HS3ST5: variants seen among roughly 807,000 people sequenced by gnomAD.
HS3ST5 encodes the protein heparan sulfate-glucosamine 3-sulfotransferase 5, also known as heparan sulfate glucosamine 3-O-sulfotransferase 5.
HS3ST5 carries 10 observed loss-of-function variants against 25.4 expected under a neutral mutation model. The observed-to-expected ratio is 0.39, with a 90% CI of 0.24 to 0.67. The LOEUF (loss-of-function observed/expected upper bound fraction) is 0.67. Among genes scored for constraint, HS3ST5 ranks in the 30% least tolerant of loss-of-function variants. HS3ST5 has a pLI of 0.44. For missense variants in HS3ST5, 324 were observed against 420.7 expected, an observed-to-expected ratio of 0.77 and a Z score of 2.01; for synonymous variants, 170 against 162.4, an observed-to-expected ratio of 1.05 and a Z score of -0.36.
chr6:114,219,668 T>TA (rs1230708687), intron 2 of HS3ST5, among the ~76,000 whole-genome samples: 3 of 152,128 alleles, frequency 2.0e-5, no homozygotes, highest in Admixed American at 6.5e-5. Flanking sequence ...TTGAAAATAA[T>TA]AAACAATTAG....
intron 1 of HS3ST5, among the ~76,000 whole-genome samples, chr6:114,311,539 C>CTTTTTTTTTTTT (rs11463610): frequency 2.4e-5 from 2 of 84,878 alleles, no homozygotes; most frequent in Non-Finnish European, 4.2e-5. Context: ...TTCTCTCTCT[C>CTTTTTTTTTTTT]TTTTTTTTTT....
At position 114,057,519 on chromosome 6, in the gene HS3ST5, G is replaced by T; in HGVS notation, c.779C>A (p.Thr260Lys). Residue 260 changes from threonine (T) to lysine (K), a missense_variant, in exon 5 of 5, where the codon ACG becomes AAG. By Grantham distance (78) the Thr-to-Lys change is moderately conservative. This residue lies in a region of HS3ST5 where 203 missense variants were observed against 303.4 expected (regional missense o/e 0.67). Transcript: ENST00000312719. ...GAGCTGAAGTTCTGGCAGAGGTTCC[G>T]TGATGAGGCGATCTCCATCGACGAC... ...FHVVDGDRLI[T>K]EPLPELQLVE... The T allele has an allele frequency of 3.7e-6, 6 of 1,614,190 alleles. No homozygotes were observed. Among genetic ancestry groups the T allele is most frequent in the Non-Finnish European group, 4.2e-6 (5 of 1,180,036 alleles).
chr6:114,164,046 C>G (rs1254696882), intron 3 of HS3ST5, among the ~76,000 whole-genome samples: 1 of 152,086 alleles, frequency 6.6e-6, no homozygotes, highest in East Asian at 1.9e-4. Context: ...TTATTAAGAG[C>G]AGATATTATT....
chr6:114,153,799 T>C (rs1778570401), intron 3 of HS3ST5, among the ~76,000 whole-genome samples: 1 of 152,214 alleles, frequency 6.6e-6, no homozygotes, highest in Non-Finnish European at 1.5e-5. Flanking sequence ...TAATAACTAC[T>C]ATCTTAGTAC....
At chr6:114,245,362 A>C (rs771592446) in intron 1 of HS3ST5, among the ~76,000 whole-genome samples, 3 of 152,174 alleles carry the variant, frequency 2.0e-5, no homozygotes, top group Non-Finnish European at 4.4e-5. Flanking sequence ...TGAGACAGAA[A>C]CAGGTTAGAA....
At chr6:114,082,664 T>C (rs567330793) in intron 3 of HS3ST5, among the ~76,000 whole-genome samples, 1 of 152,352 alleles carries the variant, frequency 6.6e-6, no homozygotes, top group African/African-American at 2.4e-5. Context: ...AGCTATGAGT[T>C]CTAAATTTCT....
intron 3 of HS3ST5, among the ~76,000 whole-genome samples, chr6:114,085,934 G>GCCCCC (rs377436068): frequency 1.0e-5 from 1 of 98,890 alleles, no homozygotes; most frequent in African/African-American, 3.9e-5. Context: ...TAAATTCATT[G>GCCCCC]CCCCCCCCCC....
chr6:114,161,299 C>G (rs1244557117), intron 3 of HS3ST5, among the ~76,000 whole-genome samples: 3 of 151,234 alleles, frequency 2.0e-5, no homozygotes, highest in Non-Finnish European at 2.9e-5. Context: ...AAATTACCAT[C>G]AAACTTTGAC....
At chr6:114,101,632 G>A (rs932270852) in intron 3 of HS3ST5, among the ~76,000 whole-genome samples, 1 of 152,180 alleles carries the variant, frequency 6.6e-6, no homozygotes, top group African/African-American at 2.4e-5. Flanking sequence ...ATTGTGGAAA[G>A]TAGTTTGGCA....
At chr6:114,082,540 C>T (rs112917287) in intron 3 of HS3ST5, among the ~76,000 whole-genome samples, 28 of 152,200 alleles carry the variant, frequency 1.8e-4, no homozygotes, top group African/African-American at 6.0e-4. Flanking sequence ...GAATAAAGTT[C>T]GCATTTATTG....
chr6:114,339,043 A>C (rs1330081064), intron 1 of HS3ST5, among the ~76,000 whole-genome samples: 1 of 152,122 alleles, frequency 6.6e-6, no homozygotes, highest in African/African-American at 2.4e-5. Context: ...ACTTAAAATA[A>C]ACTATTATTC....
intron 3 of HS3ST5, among the ~76,000 whole-genome samples, chr6:114,066,631 TCAAAAA>T (rs1223692013): frequency 6.6e-6 from 1 of 151,988 alleles, no homozygotes; most frequent in East Asian, 1.9e-4. Context: ...AGGCTCCGTC[TCAAAAA>T]CAAAAACAAA....
At chr6:114,296,305 A>G (rs1375500272) in intron 1 of HS3ST5, among the ~76,000 whole-genome samples, 1 of 152,146 alleles carries the variant, frequency 6.6e-6, no homozygotes, top group Non-Finnish European at 1.5e-5. Context: ...CAACAGATTC[A>G]CTGAGGATTA....
At chr6:114,069,052 A>G (rs916103999) in intron 3 of HS3ST5, among the ~76,000 whole-genome samples, 2 of 152,238 alleles carry the variant, frequency 1.3e-5, no homozygotes, top group South Asian at 2.1e-4. Flanking sequence ...TTCAAAAATA[A>G]TAATAATAAA....
At chr6:114,285,393 A>G (rs1378094649) in intron 1 of HS3ST5, among the ~76,000 whole-genome samples, 1 of 151,968 alleles carries the variant, frequency 6.6e-6, no homozygotes, top group Non-Finnish European at 1.5e-5. Flanking sequence ...CCCCTATGAA[A>G]CAAGTTTACC....
intron 3 of HS3ST5, among the ~76,000 whole-genome samples, chr6:114,070,548 G>T (rs975374571): frequency 3.3e-5 from 5 of 152,094 alleles, no homozygotes. Flanking sequence ...TATAGTAGAT[G>T]ATCAAAATAC....
intron 1 of HS3ST5, among the ~76,000 whole-genome samples, chr6:114,282,342 T>C (rs1414473513): frequency 6.6e-6 from 1 of 152,014 alleles, no homozygotes; most frequent in African/African-American, 2.4e-5. Context: ...TCTTGCCATA[T>C]GCCAAGGGTT....
At chr6:114,265,963 T>G (rs183031871) in intron 1 of HS3ST5, among the ~76,000 whole-genome samples, 50 of 152,310 alleles carry the variant, frequency 3.3e-4, no homozygotes, top group Non-Finnish European at 5.3e-4. Flanking sequence ...TATATGTCCA[T>G]GACTCCCACA....
intron 1 of HS3ST5, among the ~76,000 whole-genome samples, chr6:114,328,803 G>A (rs980368059): frequency 5.9e-5 from 9 of 152,108 alleles, no homozygotes; most frequent in African/African-American, 2.2e-4. Flanking sequence ...ATAAAAGATG[G>A]GCTTGATATT....
Sources: gnomAD v4.1 joint callset for allele counts (sites outside exome capture counted in the v4.1 genomes callset) on GRCh38, gnomAD v4.1.1 for gene constraint, gnomAD v4.1.1 regional missense constraint, MANE v1.5 for transcripts, NCBI Gene and HGNC (gene_info 2026-07-23, HGNC 2026-07-21) for gene names.